Variants in SLC24A1 observed in about 807,000 individuals in gnomAD.
SLC24A1 encodes solute carrier family 24 member 1.
Under a neutral mutation model 88.1 loss-of-function variants are expected in SLC24A1, and 52 were observed. That is an observed-to-expected ratio of 0.59 (90% CI 0.47 to 0.74). The LOEUF (loss-of-function observed/expected upper bound fraction) is 0.74. Among genes scored for constraint, SLC24A1 ranks in the 30% least tolerant of loss-of-function variants. The probability of loss-of-function intolerance (pLI) is 0.00; values close to 1 mark genes in which losing one functional copy is unlikely to be tolerated. For missense variants in SLC24A1, 1,173 were observed against 1,363.3 expected (o/e 0.86, Z 2.20); for synonymous variants, 455 against 498.0 (o/e 0.91, Z 1.15).
intron 2 of SLC24A1, among the ~76,000 whole-genome samples, chr15:65,637,507 G>C (rs1253015601): frequency 6.6e-6 from 1 of 152,150 alleles, no homozygotes; most frequent in Non-Finnish European, 1.5e-5. Flanking sequence ...ATGAACAAGG[G>C]AACAAGACTT....
At chr15:65,635,139 A>C (rs894834573) in intron 2 of SLC24A1, among the ~76,000 whole-genome samples, 1 of 152,140 alleles carries the variant, frequency 6.6e-6, no homozygotes, top group African/African-American at 2.4e-5. Flanking sequence ...CTCGGTGTAC[A>C]GAACCATCCA....
At chr15:65,633,493 G>C (rs62013134) in intron 2 of SLC24A1, among the ~76,000 whole-genome samples, 12,401 of 151,868 alleles carry the variant, frequency 0.082, 643 homozygotes, top group African/African-American at 0.16. Flanking sequence ...AACCTCGTCT[G>C]TACTAAAAAT....
Position 65,625,451 on chromosome 15 carries a change from G to A in SLC24A1, c.1371G>A (p.Leu457=), listed in dbSNP as rs1444918665. Residue 457 remains leucine, a synonymous_variant, in exon 2 of 10, where the codon CTG becomes CTA. Coordinates refer to ENST00000261892, the MANE Select transcript of SLC24A1 (RefSeq NM_004727.3). ...VEERRQGWVV[L]HVFGMMYVFV... ...AGCGGCGGCAGGGCTGGGTGGTCCT[G>A]CACGTTTTTGGCATGATGTATGTGT... 2 of 1,614,046 alleles carry A rather than the reference G, an allele frequency of 1.2e-6. No homozygotes were observed. The highest frequency in any genetic ancestry group is 3.3e-5 in the Admixed American group (2 of 60,036).
chr15:65,649,890 A>G (rs1000852880), intron 6 of SLC24A1, among the ~76,000 whole-genome samples: 1 of 152,204 alleles, frequency 6.6e-6, no homozygotes, highest in East Asian at 1.9e-4. Context: ...ACTCCATGCA[A>G]TATTCTGTAT....
At chr15:65,631,169 C>T (rs1201898756) in intron 2 of SLC24A1, among the ~76,000 whole-genome samples, 3 of 152,148 alleles carry the variant, frequency 2.0e-5, no homozygotes, top group African/African-American at 7.2e-5. Context: ...TGAGATTTTA[C>T]ATGCATTCAT....
chr15:65,652,803 T>C lies in SLC24A1; in HGVS notation c.3045T>C (p.Thr1015=). ...SSVGSNIFDI[T]VGLPVPWLLF... ...TGGGCAGTAACATATTTGATATCAC[T>C]GTGGGGTGAGTGGCAATGTAACTTT... Residue 1015 remains threonine, a synonymous_variant, in exon 9 of 10, where the codon ACT becomes ACC. Transcript: ENST00000261892. The C allele has an allele frequency of 6.3e-7, 1 of 1,597,332 alleles. No individual in the cohort carries two copies. The highest frequency in any genetic ancestry group is 8.6e-7 in the Non-Finnish European group (1 of 1,167,450).
intron 4 of SLC24A1, among the ~76,000 whole-genome samples, chr15:65,643,370 T>TC (rs2075195142): frequency 6.6e-6 from 1 of 152,156 alleles, no homozygotes; most frequent in Admixed American, 6.5e-5. Context: ...ATCACATCAG[T>TC]CCCCTGAGGA....
intron 5 of SLC24A1, 69 bp from the exon 6 acceptor site, chr15:65,645,543 A>G: frequency 8.4e-7 from 1 of 1,190,190 alleles, no homozygotes; most frequent in Non-Finnish European, 1.2e-6. Context: ...CACTTATGCC[A>G]GTGTCTCTGC....
chr15:65,640,691 A>G (rs2075096221), intron 4 of SLC24A1, among the ~76,000 whole-genome samples: 1 of 152,044 alleles, frequency 6.6e-6, no homozygotes, highest in South Asian at 2.1e-4. Flanking sequence ...TCAAGGACAA[A>G]TTTTCGGGGC....
chr15:65,611,935 A>G (rs2073967562), intron 1 of SLC24A1: 1 of 152,220 alleles, frequency 6.6e-6, no homozygotes, highest in South Asian at 2.1e-4. Context: ...AGCTGACCTG[A>G]GCCCAATTTA....
At chr15:65,612,302 A>G (rs574475875) in intron 1 of SLC24A1, 2 of 152,438 alleles carry the variant, frequency 1.3e-5, no homozygotes, top group East Asian at 3.9e-4. Context: ...TGAGTACAGA[A>G]AGGCCTCTAG....
upstream of SLC24A1, among the ~76,000 whole-genome samples, chr15:65,618,510 T>C (rs1353742740): frequency 2.6e-5 from 4 of 152,228 alleles, no homozygotes; most frequent in Non-Finnish European, 4.4e-5. Context: ...TAGACTAATA[T>C]AGGGGCTTTT....
upstream of SLC24A1, chr15:65,611,367 C>T (rs889134004): frequency 4.9e-6 from 3 of 608,210 alleles, no homozygotes; most frequent in South Asian, 5.8e-5. Flanking sequence ...CCCAACTTCT[C>T]TCGAGCCTTG....
In SLC24A1 at chr15:65,624,313, G is replaced by T. The variant is rs2074422963; in HGVS notation, c.233G>T (p.Ser78Ile). The T allele has an allele frequency of 6.2e-7, 1 of 1,613,784 alleles. No homozygotes were observed. Residue 78 changes from serine (S) to isoleucine (I), a missense_variant, in exon 2 of 10, where the codon AGC becomes ATC. Ser to Ile is a moderately radical substitution (Grantham distance 142, BLOSUM62 -2). Coordinates refer to ENST00000261892, the MANE Select transcript of SLC24A1 (RefSeq NM_004727.3). ...SSEEMMMMSSSPSKPSSEMGG... is the reference protein window; with the variant it reads ...SSEEMMMMSSIPSKPSSEMGG... Reference sequence around the variant, plus strand: ...GAAGAGATGATGATGATGAGCAGCAGCCCTTCAAAACCTAGCTCCGAAATG... The same window carrying T: ...GAAGAGATGATGATGATGAGCAGCATCCCTTCAAAACCTAGCTCCGAAATG...
intron 4 of SLC24A1, among the ~76,000 whole-genome samples, chr15:65,640,555 C>T (rs2075090721): frequency 6.6e-6 from 1 of 152,124 alleles, no homozygotes; most frequent in Non-Finnish European, 1.5e-5. Context: ...CAAGGAAATG[C>T]TAGCCTTTGT....
intron 4 of SLC24A1, chr15:65,643,937 C>T (rs2141643895): frequency 6.3e-6 from 1 of 158,396 alleles, no homozygotes; most frequent in Admixed American, 6.1e-5. Context: ...AGAAAGTAAG[C>T]TACAAAGATA....
At position 65,625,357 on chromosome 15, in the gene SLC24A1, T is replaced by C. The variant is rs781208248; in HGVS notation, c.1277T>C (p.Val426Ala). The change falls in exon 2 of 10, where the codon GTG becomes GCG. Residue 426 changes from valine (V) to alanine (A), a missense_variant. Physicochemically the swap from Val to Ala is moderately conservative, Grantham distance 64 (BLOSUM62 0). Coordinates refer to ENST00000261892, the MANE Select transcript of SLC24A1 (RefSeq NM_004727.3). ...LPEELSPSPS[V>A]LPPSLPDLHP... ...GAGGAGCTCAGTCCTAGTCCCTCAG[T>C]GCTGCCTCCCAGCTTGCCAGACCTC... 6.2e-7 allele frequency: 1 copy of C among 1,614,000 alleles called. No individual in the cohort carries two copies. Among genetic ancestry groups the C allele is most frequent in the Non-Finnish European group, 8.5e-7 (1 of 1,179,888 alleles).
chr15:65,650,343 G>A lies in SLC24A1; in HGVS notation c.2233-39G>A, dbSNP rs1217865949. 6.7e-7 allele frequency: 1 copy of A among 1,492,288 alleles called. No individual in the cohort carries two copies. Among genetic ancestry groups the A allele is most frequent in the East Asian group, 2.5e-5 (1 of 40,404 alleles). The allele number at this position is 1,492,288 out of a possible 1,614,324, so 92.4% of individuals were successfully genotyped here. A position where few individuals can be genotyped will look rare whatever the true frequency, so the allele number is the denominator to read the frequency against. On this transcript the variant is annotated intron_variant, in intron 6 of 9. Transcript: ENST00000261892. The surrounding 1 kb of genome is among the most constrained non-coding windows in gnomAD (Gnocchi z 4.1). ...GAGTAACATAAGGAAAACAAGCAGA[G>A]CAGTTACCACACATTAATCTGTTGG...
At chr15:65,647,475 CAAAAA>C (rs199501932) in intron 6 of SLC24A1, among the ~76,000 whole-genome samples, 3 of 81,184 alleles carry the variant, frequency 3.7e-5, no homozygotes, top group Non-Finnish European at 4.9e-5. Flanking sequence ...GAGACTGTCT[CAAAAA>C]AAAAAAAAAA....
Sources: gnomAD v4.1 joint callset for allele counts (sites outside exome capture counted in the v4.1 genomes callset) on GRCh38, gnomAD v4.1.1 for gene constraint, Gnocchi (gnomAD v3.1) non-coding constraint, MANE v1.5 for transcripts, NCBI Gene and HGNC (gene_info 2026-07-23, HGNC 2026-07-21) for gene names.